Variants in SCN2A observed in about 807,000 individuals in gnomAD.
SCN2A encodes the protein sodium channel protein type 2 subunit alpha.
Under a neutral mutation model 188.7 loss-of-function variants are expected in SCN2A, and 20 were observed. That is an observed-to-expected ratio of 0.11 (90% CI 0.07 to 0.15). The LOEUF (loss-of-function observed/expected upper bound fraction) is 0.15, where lower values mean the gene tolerates loss of function less well. Among genes scored for constraint, SCN2A ranks in the 10% least tolerant of loss-of-function variants. SCN2A has a pLI of 1.00. For missense variants in SCN2A, 1,278 were observed against 2,445.0 expected (o/e 0.52, Z 10.07); for synonymous variants, 804 against 833.1 (o/e 0.97, Z 0.60).
chr2:165,251,407 A>T (rs73969327), intron 1 of SCN2A, among the ~76,000 whole-genome samples: 37,336 of 152,048 alleles, frequency 0.25, 4,826 homozygotes, highest in African/African-American at 0.33. Context: ...TATTTTTACA[A>T]GTACACGTTC....
intron 3 of SCN2A, among the ~76,000 whole-genome samples, chr2:165,304,905 A>G (rs897607852): frequency 6.6e-6 from 1 of 152,178 alleles, no homozygotes; most frequent in Non-Finnish European, 1.5e-5. Flanking sequence ...AAGCTACCAA[A>G]ATGATGCATA....
At position 165,315,636 on chromosome 2, in the gene SCN2A, G is replaced by A; in HGVS notation, c.1549G>A (p.Glu517Lys). Residue 517 changes from glutamate to lysine, a missense_variant, in exon 11 of 27, where the codon GAA (glutamate) becomes AAA (lysine). Around this residue, in one of 17 missense-constraint regions of SCN2A, gnomAD observed 315 missense variants for 386.6 expected, o/e 0.81. Transcript: ENST00000375437. ...KKKQKEQSGE[E>K]EKNDRVRKSE... is the part of the protein sequence containing the mutation. ...GAAACAGAAAGAACAGTCTGGAGAA[G>A]AAGAGAAAAATGACAGAGTCCGAAA... 1 of 1,614,028 alleles carries A rather than the reference G, an allele frequency of 6.2e-7. No individual in the cohort carries two copies. Among genetic ancestry groups the A allele is most frequent in the Non-Finnish European group, 8.5e-7 (1 of 1,179,954 alleles).
At position 165,365,281 on chromosome 2, in the gene SCN2A, A is replaced by T; in HGVS notation, c.3520+18A>T. 1 of 1,613,438 alleles carries T rather than the reference A, an allele frequency of 6.2e-7. No homozygotes were observed. The highest frequency in any genetic ancestry group is 1.1e-5 in the South Asian group (1 of 91,064). On this transcript the variant is annotated intron_variant, in intron 18 of 26. Transcript: ENST00000375437. Reference sequence around the variant, plus strand: ...TACAGAAGGTAAGCAAAACAATAACATATGTGGTCTTGAGTATCCTCTTTT... The same window carrying T: ...TACAGAAGGTAAGCAAAACAATAACTTATGTGGTCTTGAGTATCCTCTTTT...
Position 165,389,591 on chromosome 2 carries a change from T to C in SCN2A, c.5785T>C (p.Ser1929Pro). 6.2e-7 allele frequency: 1 copy of C among 1,613,830 alleles called. No homozygotes were observed. Among genetic ancestry groups the C allele is most frequent in the African/African-American group, 1.3e-5 (1 of 74,964 alleles). ...YLLKQKVKKVSSIYKKDKGKE... is the reference protein window; with the variant it reads ...YLLKQKVKKVPSIYKKDKGKE... ...CTTGAAGCAAAAAGTTAAAAAGGTA[T>C]CAAGTATATACAAGAAAGACAAAGG... The change falls in exon 27 of 27, where the codon TCA (serine) becomes CCA (proline). Residue 1929 changes from serine to proline, a missense_variant. Around this residue, in one of 17 missense-constraint regions of SCN2A, gnomAD observed 109 missense variants for 137.9 expected, o/e 0.79. Coordinates refer to ENST00000375437, the MANE Select transcript of SCN2A (RefSeq NM_001040142.2). This position sits in a 1 kb window ranked among gnomAD's most constrained non-coding sequence, Gnocchi z 4.2.
At chr2:165,277,690 T>G (rs1695405401) in intron 1 of SCN2A, among the ~76,000 whole-genome samples, 2 of 152,324 alleles carry the variant, frequency 1.3e-5, no homozygotes, top group South Asian at 2.1e-4. Context: ...TGCTCAGAAC[T>G]TCTTCAAGCC....
At chr2:165,363,235 G>C (rs4667485) in intron 17 of SCN2A, among the ~76,000 whole-genome samples, 61,530 of 151,820 alleles carry the variant, frequency 0.41, 12,887 homozygotes, top group East Asian at 0.54. Context: ...TAGCACTGAT[G>C]TAAGCTCTGA....
chr2:165,245,192 A>C (rs1693790784), intron 1 of SCN2A: 1 of 151,942 alleles, frequency 6.6e-6, no homozygotes, highest in African/African-American at 2.4e-5. Flanking sequence ...CCCAAATCTC[A>C]CCTTGAATTG....
intron 1 of SCN2A, among the ~76,000 whole-genome samples, chr2:165,257,021 A>G (rs559418416): frequency 1.3e-5 from 2 of 152,298 alleles, no homozygotes; most frequent in South Asian, 4.2e-4. Flanking sequence ...CAGTGGCCTA[A>G]GGAAACTAAG....
In SCN2A at chr2:165,323,346, G is replaced by T; in HGVS notation, c.1862G>T (p.Arg621Leu). 1 of 1,614,142 alleles carries T rather than the reference G, an allele frequency of 6.2e-7. No homozygotes were observed. Among genetic ancestry groups the T allele is most frequent in the Non-Finnish European group, 8.5e-7 (1 of 1,180,028 alleles). Residue 621 changes from arginine to leucine, a missense_variant, in exon 12 of 27, where the codon CGC becomes CTC. By Grantham distance (102) the Arg-to-Leu change is moderately radical. Around this residue, in one of 17 missense-constraint regions of SCN2A, gnomAD observed 315 missense variants for 386.6 expected, o/e 0.81. Coordinates refer to ENST00000375437, the MANE Select transcript of SCN2A (RefSeq NM_001040142.2). ...LFVPHRHGER[R>L]HSNVSQASRA... ...GTGCCGCACAGACATGGAGAACGGC[G>T]CCACAGCAATGTCAGCCAGGCCAGC... is the stretch of plus-strand genomic sequence containing the variant.
At chr2:165,342,169 T>A in intron 14 of SCN2A, 127 bp from the exon 15 acceptor site, 1 of 789,614 alleles carries the variant, frequency 1.3e-6, no homozygotes, top group Non-Finnish European at 2.1e-6. Flanking sequence ...TACTAAGTTG[T>A]TGGACCTAAA....
At chr2:165,357,841 C>A (rs1013091873) in intron 17 of SCN2A, among the ~76,000 whole-genome samples, 2 of 152,090 alleles carry the variant, frequency 1.3e-5, no homozygotes, top group African/African-American at 4.8e-5. Flanking sequence ...GAGGCTCGTG[C>A]CACCACTTTT....
At chr2:165,294,010 TAAAAAAA>T (rs67417831) in intron 1 of SCN2A, 78 of 151,010 alleles carry the variant, frequency 5.2e-4, no homozygotes, top group Non-Finnish European at 5.7e-4. Context: ...GAAGGAGAAT[TAAAAAAA>T]AAAAAAAAAA....
intron 3 of SCN2A, 49 bp from the exon 4 acceptor site, chr2:165,307,799 A>G: frequency 7.6e-7 from 1 of 1,311,890 alleles, no homozygotes. Context: ...GGTAGTGCAT[A>G]AAAGTAAGAT....
intron 17 of SCN2A, among the ~76,000 whole-genome samples, chr2:165,355,911 AT>A (rs1700158541): frequency 6.6e-6 from 1 of 151,624 alleles, no homozygotes. Flanking sequence ...AGGCAAGAGA[AT>A]CGCTTGAACC....
chr2:165,354,567 C>T lies in SCN2A; in HGVS notation c.3295C>T (p.Pro1099Ser), dbSNP rs1228890159. 1 of 1,613,842 alleles carries T rather than the reference C, an allele frequency of 6.2e-7. No homozygotes were observed. The highest frequency in any genetic ancestry group is 8.5e-7 in the Non-Finnish European group (1 of 1,179,976). ...TGATTACATGTCATTTATAAACAACCCTAGCCTCACTGTGACAGTACCAAT... is the reference window on the plus strand; with the variant it reads ...TGATTACATGTCATTTATAAACAACTCTAGCCTCACTGTGACAGTACCAAT... The part of the protein sequence containing the change: ...ESDYMSFINN[P>S]SLTVTVPIAV... Residue 1099 changes from proline (P) to serine (S), a missense_variant, in exon 17 of 27, where the codon CCT becomes TCT. By Grantham distance (74) the Pro-to-Ser change is moderately conservative (BLOSUM62 -1). Around this residue, in one of 17 missense-constraint regions of SCN2A, gnomAD observed 228 missense variants for 297.3 expected, o/e 0.77. Coordinates refer to ENST00000375437, the MANE Select transcript of SCN2A (RefSeq NM_001040142.2).
chr2:165,323,418 A>G lies in SCN2A; in HGVS notation c.1934A>G (p.His645Arg), dbSNP rs1401885574. 1 of 1,614,022 alleles carries G rather than the reference A, an allele frequency of 6.2e-7. No individual in the cohort carries two copies. The highest frequency in any genetic ancestry group is 8.5e-7 in the Non-Finnish European group (1 of 1,179,994). The part of the protein sequence containing the change: ...LPILPMNGKM[H>R]SAVDCNGVVS... The stretch of plus-strand genomic sequence containing the variant: ...ATCCTGCCCATGAATGGGAAGATGC[A>G]TAGCGCTGTGGACTGCAATGGTGTG... The change falls in exon 12 of 27, where the codon CAT becomes CGT. Residue 645 changes from histidine to arginine, a missense_variant. Physicochemically the swap from His to Arg is conservative, Grantham distance 29. Transcript: ENST00000375437.
At position 165,381,183 on chromosome 2, in the gene SCN2A, A is replaced by G. The variant is rs1457456482; in HGVS notation, c.4537A>G (p.Ile1513Val). 2 of 1,580,484 alleles carry G rather than the reference A, an allele frequency of 1.3e-6. No homozygotes were observed. Among genetic ancestry groups the G allele is most frequent in the Non-Finnish European group, 1.7e-6 (2 of 1,160,254 alleles). ...KLGSKKPQKP[I>V]PRPANKFQGM... ...GGGTTCAAAGAAACCACAAAAACCCATACCTCGACCTGCTGTAAGAATAAC... is the reference window on the plus strand; with the variant it reads ...GGGTTCAAAGAAACCACAAAAACCCGTACCTCGACCTGCTGTAAGAATAAC... The change falls in exon 25 of 27, where the codon ATA becomes GTA. Residue 1513 changes from isoleucine to valine, a missense_variant. Ile to Val is a conservative substitution (Grantham distance 29). Around this residue, in one of 17 missense-constraint regions of SCN2A, gnomAD observed 97 missense variants for 266.1 expected, o/e 0.36. Transcript: ENST00000375437.
intron 1 of SCN2A, among the ~76,000 whole-genome samples, chr2:165,241,506 A>C (rs951711958): frequency 4.6e-5 from 7 of 152,190 alleles, no homozygotes; most frequent in African/African-American, 1.4e-4. Flanking sequence ...CACAGGCTTT[A>C]CCCTACTTCT....
At chr2:165,322,773 T>C (rs1015375614) in intron 11 of SCN2A, among the ~76,000 whole-genome samples, 1 of 152,216 alleles carries the variant, frequency 6.6e-6, no homozygotes, top group Non-Finnish European at 1.5e-5. Context: ...TTGTGTTTAA[T>C]TGTTTTCCAT....
Sources: gnomAD v4.1 joint callset for allele counts (sites outside exome capture counted in the v4.1 genomes callset) on GRCh38, gnomAD v4.1.1 for gene constraint, gnomAD v4.1.1 regional missense constraint, Gnocchi (gnomAD v3.1) non-coding constraint, MANE v1.5 for transcripts, NCBI Gene and HGNC (gene_info 2026-07-23, HGNC 2026-07-21) for gene names.